The following RPS6KA2 variants were observed in gnomAD, a reference collection of about 807,000 sequenced individuals.
RPS6KA2 encodes the protein ribosomal protein S6 kinase alpha-2.
In RPS6KA2, 42 loss-of-function variants were observed where a neutral mutation model predicts 91.8. That is an observed-to-expected ratio of 0.46 (90% confidence interval 0.36 to 0.59). The LOEUF (loss-of-function observed/expected upper bound fraction) is 0.59, where lower values mean the gene tolerates loss of function less well. Ranked by LOEUF, RPS6KA2 falls within the 20% of genes least tolerant of loss-of-function variation. The pLI is 0.00. For missense variants in RPS6KA2, 798 were observed against 978.5 expected (o/e 0.82, Z 2.46); for synonymous variants, 414 against 393.6 (o/e 1.05, Z -0.61).
chr6:166,675,417 C>G (rs1011786511), intron 2 of RPS6KA2, among the ~76,000 whole-genome samples: 1 of 152,222 alleles, frequency 6.6e-6, no homozygotes, highest in Non-Finnish European at 1.5e-5. Flanking sequence ...TGTTAATCAG[C>G]TGCCTTTAAA....
rs974491743 is a variant in RPS6KA2 at position 166,433,716 on chromosome 6, A to G, written c.1333-1226T>C. ...GGGTGACTTGCTTTTAACTTCTATC[A>G]TGTCAAAGTCTCTAGGCAGAGCTTT... On this transcript the variant is annotated intron_variant, in intron 14 of 20. Transcript: ENST00000265678. This position sits in a 1 kb window ranked among gnomAD's most constrained non-coding sequence, Gnocchi z 4.4. 2.0e-5 allele frequency among the ~76,000 whole-genome samples: 3 copies of G among 152,186 alleles called. No individual in the cohort carries two copies. The highest frequency in any genetic ancestry group is 7.2e-5 in the African/African-American group (3 of 41,454).
At chr6:166,456,739 C>T (rs934150432) in intron 12 of RPS6KA2, among the ~76,000 whole-genome samples, 3 of 152,246 alleles carry the variant, frequency 2.0e-5, no homozygotes, top group Non-Finnish European at 4.4e-5. Context: ...AAATCCTACT[C>T]TCCTGTACAA....
chr6:166,679,843 C>CGCACTCA (rs1788733117), intron 2 of RPS6KA2, among the ~76,000 whole-genome samples: 2 of 152,336 alleles, frequency 1.3e-5, no homozygotes, highest in Admixed American at 1.3e-4. Context: ...CGGCAAGCCC[C>CGCACTCA]GCACTCAGCG....
intron 2 of RPS6KA2, among the ~76,000 whole-genome samples, chr6:166,843,549 GC>G (rs1780538436): frequency 6.6e-6 from 1 of 152,226 alleles, no homozygotes; most frequent in Admixed American, 6.5e-5. Context: ...TGGAGCAGGT[GC>G]TGGTATCCAC....
At chr6:166,440,401 G>C (rs34657605) in intron 14 of RPS6KA2, 1 of 152,158 alleles carries the variant, frequency 6.6e-6, no homozygotes, top group Non-Finnish European at 1.5e-5. Flanking sequence ...TTCTCGTTTC[G>C]AAAAAGCAAA....
At chr6:166,636,067 C>A (rs1304964714) in intron 2 of RPS6KA2, among the ~76,000 whole-genome samples, 4 of 152,204 alleles carry the variant, frequency 2.6e-5, no homozygotes, top group African/African-American at 4.8e-5. Flanking sequence ...CCTCGTTCTG[C>A]CTACACTGAC....
chr6:166,432,256 C>T lies in RPS6KA2; in HGVS notation c.1422+145G>A, dbSNP rs1583126006. ...TTGAGTACACAGTCCAGCAAGTCAG[C>T]TCCAAGTGACTGAGATATGTGGGTG... On this transcript the variant is annotated intron_variant, in intron 15 of 20. Coordinates refer to ENST00000265678, the MANE Select transcript of RPS6KA2 (RefSeq NM_021135.6). 5 of 640,382 alleles carry T rather than the reference C, an allele frequency of 7.8e-6. No individual in the cohort carries two copies. In the East Asian group the frequency reaches 1.4e-4, roughly 18 times the overall value. 39.7% of individuals were successfully genotyped at this position (640,382 alleles called of 1,614,324 possible).
At chr6:166,464,481 G>T (rs1780445820) in intron 11 of RPS6KA2, among the ~76,000 whole-genome samples, 1 of 152,210 alleles carries the variant, frequency 6.6e-6, no homozygotes, top group Non-Finnish European at 1.5e-5. Flanking sequence ...CCTGGACAGA[G>T]TTCCAGAAAC....
rs529537135 is a variant in RPS6KA2, at chr6:166,522,756, G to A, written c.298+8476C>T. ...AAAGGTTTAATTCATAGTAAAAAACGGACTTCCACGAGCCATCGTGTGGCT... is the reference window on the plus strand; with the variant it reads ...AAAGGTTTAATTCATAGTAAAAAACAGACTTCCACGAGCCATCGTGTGGCT... On this transcript the variant is annotated intron_variant, in intron 3 of 20. Transcript: ENST00000265678. Among the ~76,000 whole-genome samples, 24 of 152,210 alleles carry A rather than the reference G, an allele frequency of 1.6e-4. No homozygotes were observed. The South Asian group carries it at 3.1e-3, about 20-fold the overall frequency.
chr6:166,644,148 CTTTT>C (rs982955801), intron 2 of RPS6KA2, among the ~76,000 whole-genome samples: 14 of 152,174 alleles, frequency 9.2e-5, no homozygotes, highest in Non-Finnish European at 1.5e-4. Flanking sequence ...CCCTTTTCCT[CTTTT>C]TAAGCCAGTA....
At chr6:166,414,267 G>GAAAT (rs1337966028) in intron 19 of RPS6KA2, among the ~76,000 whole-genome samples, 1 of 152,170 alleles carries the variant, frequency 6.6e-6, no homozygotes, top group African/African-American at 2.4e-5. Flanking sequence ...GGGAAAAGCT[G>GAAAT]AAATAATTAA....
At chr6:166,651,332 C>T (rs1248414332) in intron 2 of RPS6KA2, among the ~76,000 whole-genome samples, 2 of 152,012 alleles carry the variant, frequency 1.3e-5, no homozygotes, top group Non-Finnish European at 2.9e-5. Flanking sequence ...TTTTTTTAAC[C>T]AAATTATGCA....
At position 166,723,699 on chromosome 6, in the gene RPS6KA2, C is replaced by CTTTTTTTTTTTTTT. The variant is rs10637819; in HGVS notation, c.123+134500_123+134501insAAAAAAAAAAAAAA. Among the ~76,000 whole-genome samples the CTTTTTTTTTTTTTT allele has an allele frequency of 4.8e-5, 7 of 146,224 alleles. 1 individual carries two copies. The highest frequency in any genetic ancestry group is 1.9e-4 in the African/African-American group (7 of 37,156). ...AATTTCCTTTTTCTTTTTTTCTTTT[C>CTTTTTTTTTTTTTT]TTTTCTTTTTTTTTTTTTTGAGATG... On this transcript the variant is annotated intron_variant, in intron 2 of 21. Coordinates refer to the RPS6KA2 transcript ENST00000503859.
chr6:166,573,674 G>A (rs892689554), intron 1 of RPS6KA2, among the ~76,000 whole-genome samples: 2 of 152,200 alleles, frequency 1.3e-5, no homozygotes, highest in African/African-American at 4.8e-5. Context: ...TACTCCCATT[G>A]ACTGCCAGGG....
intron 17 of RPS6KA2, among the ~76,000 whole-genome samples, chr6:166,420,996 G>A (rs1361855429): frequency 6.6e-6 from 1 of 152,168 alleles, no homozygotes; most frequent in South Asian, 2.1e-4. Context: ...TGAGAGCAAG[G>A]AGCCTGTCCT....
chr6:166,754,132 T>G (rs1413645202), intron 2 of RPS6KA2, among the ~76,000 whole-genome samples: 1 of 152,204 alleles, frequency 6.6e-6, no homozygotes, highest in Non-Finnish European at 1.5e-5. Flanking sequence ...TCAGGCACAA[T>G]TCTCACCTAT....
At chr6:166,575,338 C>G (rs1490236307) in intron 1 of RPS6KA2, among the ~76,000 whole-genome samples, 1 of 152,170 alleles carries the variant, frequency 6.6e-6, no homozygotes, top group East Asian at 1.9e-4. Flanking sequence ...GTACGGAGAA[C>G]TATTTTCAGC....
intron 1 of RPS6KA2, among the ~76,000 whole-genome samples, chr6:166,550,578 G>A (rs7765081): frequency 0.26 from 39,408 of 152,078 alleles, 6,368 homozygotes; most frequent in African/African-American, 0.46. Context: ...CAATATGGAC[G>A]GCAACATGCA....
intron 2 of RPS6KA2, among the ~76,000 whole-genome samples, chr6:166,831,053 C>G (rs930675441): frequency 1.3e-5 from 2 of 152,180 alleles, no homozygotes; most frequent in East Asian, 3.9e-4. Flanking sequence ...AACCACACCT[C>G]TGAGGGCCTG....
Sources: gnomAD v4.1 joint callset for allele counts (sites outside exome capture counted in the v4.1 genomes callset) on GRCh38, gnomAD v4.1.1 for gene constraint, Gnocchi (gnomAD v3.1) non-coding constraint, MANE v1.5 for transcripts, NCBI Gene and HGNC (gene_info 2026-07-23, HGNC 2026-07-21) for gene names.